The following NFIC variants were observed in gnomAD, a reference collection of about 807,000 sequenced individuals.
The protein encoded by NFIC is nuclear factor 1 C-type.
Under a neutral mutation model 54.4 loss-of-function variants are expected in NFIC, and 12 were observed. The observed-to-expected ratio is 0.22, with a 90% CI of 0.14 to 0.36. The LOEUF (loss-of-function observed/expected upper bound fraction) is 0.36. Ranked by LOEUF, NFIC falls within the 10% of genes least tolerant of loss-of-function variation. NFIC has a pLI of 1.00. For missense variants in NFIC, 575 were observed against 718.2 expected (o/e 0.80, Z 2.28); for synonymous variants, 322 against 319.2 (o/e 1.01, Z -0.09).
chr19:3,383,976 C>G (rs138715321), intron 2 of NFIC, among the ~76,000 whole-genome samples: 22 of 151,894 alleles, frequency 1.4e-4, no homozygotes, highest in African/African-American at 4.6e-4. Flanking sequence ...AGAGCTGGTG[C>G]AAGGGTGAGA....
In NFIC at chr19:3,375,436, G is replaced by A. The variant is rs913976237; in HGVS notation, c.31-6276G>A. On this transcript the variant is annotated intron_variant, in intron 1 of 10. Coordinates refer to ENST00000443272, the MANE Select transcript of NFIC (RefSeq NM_001245002.2). This position sits in a 1 kb window ranked among gnomAD's most constrained non-coding sequence, Gnocchi z 4.6. ...GGCTCTGGTCCCAGCTCTGCTGACC[G>A]GCTGTGTGACCCTGGACAAACCACT... is the stretch of plus-strand genomic sequence containing the variant. 5.9e-5 allele frequency among the ~76,000 whole-genome samples: 9 copies of A among 152,286 alleles called. No individual in the cohort carries two copies. The highest frequency in any genetic ancestry group is 2.1e-4 in the South Asian group (1 of 4,826).
intron 1 of NFIC, 38 bp downstream of exon 1, chr19:3,366,704 G>GC (rs756770233): frequency 1.7e-5 from 22 of 1,267,534 alleles, no homozygotes; most frequent in South Asian, 3.8e-5. Flanking sequence ...GCGCCCCCGC[G>GC]CCCCCCGCAT....
intron 2 of NFIC, among the ~76,000 whole-genome samples, chr19:3,398,449 G>C (rs1326997999): frequency 6.6e-6 from 1 of 152,138 alleles, no homozygotes; most frequent in Non-Finnish European, 1.5e-5. Context: ...CCTCTGCTCA[G>C]GGTTGTGCAG....
At chr19:3,381,379 G>C (rs994724342) in intron 1 of NFIC, among the ~76,000 whole-genome samples, 3 of 128,612 alleles carry the variant, frequency 2.3e-5, no homozygotes, top group Non-Finnish European at 3.2e-5. Context: ...TTAGCGTTAA[G>C]AGCAAGACTC....
At chr19:3,391,885 C>T (rs12610284) in intron 2 of NFIC, among the ~76,000 whole-genome samples, 7,398 of 151,964 alleles carry the variant, frequency 0.049, 464 homozygotes, top group East Asian at 0.28. Flanking sequence ...ATAGTGTCTG[C>T]GGTGACAGCA....
At chr19:3,441,730 C>T (rs906299165) in intron 6 of NFIC, among the ~76,000 whole-genome samples, 5 of 152,198 alleles carry the variant, frequency 3.3e-5, no homozygotes, top group African/African-American at 1.2e-4. Context: ...CGGGGAGGGC[C>T]AGGCTTATTG....
chr19:3,366,698 C>T, intron 1 of NFIC, 32 bp downstream of exon 1: 1 of 1,341,134 alleles, frequency 7.5e-7, no homozygotes, highest in Non-Finnish European at 9.7e-7. Context: ...CCGCCGGCGC[C>T]CCCGCGCCCC....
At position 3,458,392 on chromosome 19, in the gene NFIC, A is replaced by C. The variant is rs2082592114; in HGVS notation, c.1509+1757A>C. ...TAAAAGCTGCGGTGGGAGGAGGCCCAGCCCGCTTAACCCTTCCCCAGCCTC... is the reference window on the plus strand; with the variant it reads ...TAAAAGCTGCGGTGGGAGGAGGCCCCGCCCGCTTAACCCTTCCCCAGCCTC... On this transcript the variant is annotated intron_variant, in intron 10 of 10. Transcript: ENST00000443272. This position sits in a 1 kb window ranked among gnomAD's most constrained non-coding sequence, Gnocchi z 4.1. 6.6e-6 allele frequency among the ~76,000 whole-genome samples: 1 copy of C among 152,144 alleles called. No homozygotes were observed. Among genetic ancestry groups the C allele is most frequent in the South Asian group, 2.1e-4 (1 of 4,824 alleles).
chr19:3,412,840 T>A (rs1471477062), intron 2 of NFIC, among the ~76,000 whole-genome samples: 1 of 152,212 alleles, frequency 6.6e-6, no homozygotes. Context: ...GGGGGTGCTC[T>A]GAAATTTCTC....
At position 3,465,234 on chromosome 19, in the gene NFIC, C is replaced by T. The variant is rs1240090658; in HGVS notation, c.*2465C>T. On this transcript the variant is annotated 3_prime_UTR_variant, in exon 11 of 11. Coordinates refer to ENST00000443272, the MANE Select transcript of NFIC (RefSeq NM_001245002.2). Reference sequence around the variant, plus strand: ...TCCTAATTTGCACGAAATTTTCTACCACAAGATGTGCCTTGCCTTCCGAGA... The same window carrying T: ...TCCTAATTTGCACGAAATTTTCTACTACAAGATGTGCCTTGCCTTCCGAGA... 3 of 144,174 alleles carry T rather than the reference C, an allele frequency of 2.1e-5. No individual in the cohort carries two copies. Among genetic ancestry groups the T allele is most frequent in the Non-Finnish European group, 3.0e-5 (2 of 66,176 alleles). 8.9% of individuals were successfully genotyped at this position (144,174 alleles called of 1,614,324 possible).
At position 3,449,448 on chromosome 19, in the gene NFIC, T is replaced by C. The variant is rs570462328; in HGVS notation, c.1084+309T>C. Among the ~76,000 whole-genome samples the C allele has an allele frequency of 1.7e-4, 26 of 151,026 alleles. 1 individual carries two copies. The highest frequency in any genetic ancestry group is 6.3e-4 in the African/African-American group (26 of 41,296). On this transcript the variant is annotated intron_variant, in intron 7 of 10. Coordinates refer to ENST00000443272, the MANE Select transcript of NFIC (RefSeq NM_001245002.2). ...CCCCCATTCCAACCCCAGACACTGA[T>C]GGACAGGCAGGATCAGAAGCTGCCA...
intron 7 of NFIC, 130 bp downstream of exon 7, chr19:3,449,269 C>T (rs1205203833): frequency 7.3e-7 from 1 of 1,376,466 alleles, no homozygotes; most frequent in Admixed American, 2.8e-5. Flanking sequence ...GGCAAAAAAC[C>T]ATAGAGGTGC....
intron 2 of NFIC, among the ~76,000 whole-genome samples, chr19:3,415,541 A>C (rs1444356759): frequency 2.0e-5 from 3 of 152,066 alleles, no homozygotes; most frequent in African/African-American, 7.2e-5. Context: ...AGAGATGGGC[A>C]GGGGTTTGTC....
chr19:3,374,554 G>A lies in NFIC; in HGVS notation c.31-7158G>A, dbSNP rs540421583. Among the ~76,000 whole-genome samples, 4 of 152,284 alleles carry A rather than the reference G, an allele frequency of 2.6e-5. No individual in the cohort carries two copies. The East Asian group carries it at 7.7e-4, about 29-fold the overall frequency. On this transcript the variant is annotated intron_variant, in intron 1 of 10. Coordinates refer to ENST00000443272, the MANE Select transcript of NFIC (RefSeq NM_001245002.2). Reference sequence around the variant, plus strand: ...TCCGACAGTGGGTGCCTCAACTCTGGGCCTCAGGATTGGAGAGGGAGAGGT... The same window carrying A: ...TCCGACAGTGGGTGCCTCAACTCTGAGCCTCAGGATTGGAGAGGGAGAGGT...
chr19:3,378,764 C>T (rs908461492), intron 1 of NFIC, among the ~76,000 whole-genome samples: 2 of 152,122 alleles, frequency 1.3e-5, no homozygotes, highest in African/African-American at 4.8e-5. Context: ...ACGGGGTGGC[C>T]CCTCTCCCCA....
intron 2 of NFIC, among the ~76,000 whole-genome samples, chr19:3,383,597 G>T (rs377382551): frequency 6.6e-6 from 1 of 152,184 alleles, no homozygotes; most frequent in Non-Finnish European, 1.5e-5. Flanking sequence ...AGCCACGTGC[G>T]AGGTGTCAGC....
At chr19:3,444,015 C>G (rs972720480) in intron 6 of NFIC, among the ~76,000 whole-genome samples, 5 of 152,228 alleles carry the variant, frequency 3.3e-5, no homozygotes, top group African/African-American at 1.2e-4. Flanking sequence ...CCTTGGCCCC[C>G]TGGGGGAGCC....
At chr19:3,431,774 G>C (rs1265218638) in intron 3 of NFIC, among the ~76,000 whole-genome samples, 1 of 152,154 alleles carries the variant, frequency 6.6e-6, no homozygotes, top group Non-Finnish European at 1.5e-5. Context: ...AAAGTGCCGG[G>C]ATTACAGGCA....
chr19:3,424,317 C>T (rs1433072549), intron 2 of NFIC, among the ~76,000 whole-genome samples: 1 of 151,706 alleles, frequency 6.6e-6, no homozygotes, highest in Non-Finnish European at 1.5e-5. Flanking sequence ...TGTGAGCCAC[C>T]GTGCCTGGCC....
Sources: gnomAD v4.1 joint callset for allele counts (sites outside exome capture counted in the v4.1 genomes callset) on GRCh38, gnomAD v4.1.1 for gene constraint, Gnocchi (gnomAD v3.1) non-coding constraint, MANE v1.5 for transcripts, NCBI Gene and HGNC (gene_info 2026-07-23, HGNC 2026-07-21) for gene names.